BCKDHB: variants seen among roughly 807,000 people sequenced by gnomAD.
BCKDHB encodes 2-oxoisovalerate dehydrogenase subunit beta, mitochondrial.
Under a neutral mutation model 48.5 loss-of-function variants are expected in BCKDHB, and 41 were observed. That is an observed-to-expected ratio of 0.85 (90% CI 0.66 to 1.10). The LOEUF (loss-of-function observed/expected upper bound fraction) is 1.10, where lower values mean the gene tolerates loss of function less well. BCKDHB is among the 50% of genes least tolerant of loss of function. The pLI, the probability that BCKDHB is intolerant of heterozygous loss-of-function variation, is 0.00. For missense variants in BCKDHB, 496 were observed against 494.2 expected, an observed-to-expected ratio of 1.00 and a Z score of -0.03; for synonymous variants, 201 against 174.8, an observed-to-expected ratio of 1.15 and a Z score of -1.18.
At chr6:80,438,013 G>T in the BCKDHB span, among the ~76,000 whole-genome samples, 1 of 152,100 alleles carries the variant, frequency 6.6e-6, no homozygotes, top group Non-Finnish European at 1.5e-5. Context: ...TGTGGATGTC[G>T]CTTATTACGC....
chr6:80,118,382 C>T (rs78976156), intron 1 of BCKDHB, among the ~76,000 whole-genome samples: 3,326 of 152,108 alleles, frequency 0.022, 65 homozygotes, highest in Non-Finnish European at 0.034. Context: ...AATACTTTAT[C>T]GATAAAAATT....
chr6:80,326,420 T>C (rs1398926507), intron 9 of BCKDHB, among the ~76,000 whole-genome samples: 1 of 152,206 alleles, frequency 6.6e-6, no homozygotes, highest in Non-Finnish European at 1.5e-5. Flanking sequence ...TCTCTCACTT[T>C]GTTTCACCAT....
At chr6:80,417,540 C>T in the BCKDHB span, among the ~76,000 whole-genome samples, 3 of 152,234 alleles carry the variant, frequency 2.0e-5, no homozygotes, top group African/African-American at 7.2e-5. Context: ...CTGGGGGTAA[C>T]GAATTTCCTC....
the BCKDHB span, among the ~76,000 whole-genome samples, chr6:80,389,824 T>C: frequency 6.6e-6 from 1 of 152,074 alleles, no homozygotes; most frequent in Non-Finnish European, 1.5e-5. Flanking sequence ...GCAACCAATA[T>C]ATAGTACTGT....
chr6:80,136,754 A>G (rs1289172715), intron 3 of BCKDHB, among the ~76,000 whole-genome samples: 1 of 151,372 alleles, frequency 6.6e-6, no homozygotes, highest in Non-Finnish European at 1.5e-5. Context: ...AAACTCTACA[A>G]AAAAAACCCC....
intron 9 of BCKDHB, among the ~76,000 whole-genome samples, chr6:80,279,436 G>A (rs891414999): frequency 1.3e-5 from 2 of 152,026 alleles, no homozygotes; most frequent in Admixed American, 6.6e-5. Flanking sequence ...GATTACAGGC[G>A]TGAGCCGCCA....
chr6:80,163,311 C>CTTTTTTTTTTT (rs34383985), intron 3 of BCKDHB, among the ~76,000 whole-genome samples: 14 of 138,098 alleles, frequency 1.0e-4, no homozygotes, highest in Non-Finnish European at 9.3e-5. Context: ...TGCAATTAAG[C>CTTTTTTTTTTT]TTTTTTTTTT....
intron 9 of BCKDHB, among the ~76,000 whole-genome samples, chr6:80,304,351 AT>A (rs756479786): frequency 2.6e-5 from 4 of 152,080 alleles, no homozygotes; most frequent in Non-Finnish European, 5.9e-5. Context: ...TTTGCAATAC[AT>A]TTTTATTCTC....
At chr6:80,127,165 T>C in intron 1 of BCKDHB, 1 of 255,074 alleles carries the variant, frequency 3.9e-6, no homozygotes, top group Non-Finnish European at 7.7e-6. Context: ...CACATGCCAC[T>C]GGTCATGCAC....
intron 9 of BCKDHB, among the ~76,000 whole-genome samples, chr6:80,287,468 A>ATTT (rs10670092): frequency 0.038 from 5,717 of 149,914 alleles, 318 homozygotes; most frequent in African/African-American, 0.13. Context: ...TGGTTCAGTG[A>ATTT]TTTTTTTTTT....
At chr6:80,107,124 TGA>T (rs1015774815) in intron 1 of BCKDHB, among the ~76,000 whole-genome samples, 2 of 151,410 alleles carry the variant, frequency 1.3e-5, no homozygotes, top group Middle Eastern at 3.2e-3. Flanking sequence ...TTGAGATGGG[TGA>T]GAGGGCATAC....
intron 3 of BCKDHB, among the ~76,000 whole-genome samples, chr6:80,146,150 A>G (rs1771476414): frequency 6.6e-6 from 1 of 152,134 alleles, no homozygotes; most frequent in African/African-American, 2.4e-5. Flanking sequence ...TTGGAGGTTT[A>G]AAAGGTCCCC....
At chr6:80,317,422 C>G (rs1768502788) in intron 9 of BCKDHB, among the ~76,000 whole-genome samples, 1 of 152,128 alleles carries the variant, frequency 6.6e-6, no homozygotes, top group African/African-American at 2.4e-5. Flanking sequence ...TTCTTGCGGC[C>G]TCTCACATTT....
chr6:80,371,324 T>A, the BCKDHB span, among the ~76,000 whole-genome samples: 4 of 152,082 alleles, frequency 2.6e-5, no homozygotes, highest in Non-Finnish European at 5.9e-5. Flanking sequence ...TTAGCCCATT[T>A]TTTGATGGAA....
downstream of BCKDHB, among the ~76,000 whole-genome samples, chr6:80,347,708 C>A (rs1473161444): frequency 6.6e-6 from 1 of 152,142 alleles, no homozygotes; most frequent in East Asian, 1.9e-4. Flanking sequence ...TATTTGAAAG[C>A]CTCTTTTCAC....
chr6:80,396,705 C>A, the BCKDHB span, among the ~76,000 whole-genome samples: 1 of 152,182 alleles, frequency 6.6e-6, no homozygotes, highest in Admixed American at 6.5e-5. Flanking sequence ...CTCAAGAGAT[C>A]TGATTGTTTT....
At chr6:80,256,973 C>G (rs1029217132) in intron 8 of BCKDHB, among the ~76,000 whole-genome samples, 1 of 152,030 alleles carries the variant, frequency 6.6e-6, no homozygotes, top group African/African-American at 2.4e-5. Flanking sequence ...TAGTAGTTTC[C>G]TGATGCAGTT....
chr6:80,145,913 A>G (rs1200299408), intron 3 of BCKDHB, among the ~76,000 whole-genome samples: 1 of 152,160 alleles, frequency 6.6e-6, no homozygotes, highest in East Asian at 1.9e-4. Context: ...AGACCAATTT[A>G]TTAGCTCTAA....
At chr6:80,459,184 G>T in the BCKDHB span, among the ~76,000 whole-genome samples, 1 of 152,142 alleles carries the variant, frequency 6.6e-6, no homozygotes, top group Non-Finnish European at 1.5e-5. Context: ...GCACTCCTGT[G>T]TTCACTGCAG....
Sources: gnomAD v4.1 joint callset for allele counts (sites outside exome capture counted in the v4.1 genomes callset) on GRCh38, gnomAD v4.1.1 for gene constraint, MANE v1.5 for transcripts, NCBI Gene and HGNC (gene_info 2026-07-23, HGNC 2026-07-21) for gene names.